Variants in RNF114 observed in about 807,000 individuals in gnomAD.
RNF114 encodes ring finger protein 114, also known as E3 ubiquitin-protein ligase RNF114.
In RNF114, 6 loss-of-function variants were observed where a neutral mutation model predicts 28.4. That is an observed-to-expected ratio of 0.21 (90% CI 0.12 to 0.42). RNF114 has a LOEUF of 0.42. Among genes scored for constraint, RNF114 ranks in the 10% least tolerant of loss-of-function variants. RNF114 has a pLI of 1.00. For synonymous variants in RNF114, 115 were observed against 116.7 expected (o/e 0.99, Z 0.09); for missense variants, 249 against 311.7 (o/e 0.80, Z 1.51).
At chr20:49,943,332 C>T (rs1302914136) in intron 2 of RNF114, among the ~76,000 whole-genome samples, 1 of 151,994 alleles carries the variant, frequency 6.6e-6, no homozygotes, top group East Asian at 1.9e-4. Context: ...CTGTATATAC[C>T]AAAACAAACC....
chr20:49,945,087 G>A (rs1019973304), intron 2 of RNF114: 2 of 253,550 alleles, frequency 7.9e-6, no homozygotes, highest in African/African-American at 4.5e-5. Flanking sequence ...AAACATCCTA[G>A]ATTTGGAGCT....
At position 49,945,669 on chromosome 20, in the gene RNF114, C is replaced by T. The variant is rs146843198; in HGVS notation, c.398+181C>T. 2.8e-4 allele frequency among the ~76,000 whole-genome samples: 42 copies of T among 152,170 alleles called. No individual in the cohort carries two copies. In the East Asian group the frequency reaches 7.5e-3, roughly 27 times the overall value. Reference sequence around the variant, plus strand: ...CTTCAGATGTTAGCTGAGCTATATTCTTTTTTTCTTTTTTGAGACAGAGTC... The same window carrying T: ...CTTCAGATGTTAGCTGAGCTATATTTTTTTTTTCTTTTTTGAGACAGAGTC... On this transcript the variant is annotated intron_variant, in intron 3 of 5. Transcript: ENST00000244061.
rs1392580085 is a variant in RNF114, at chr20:49,941,636, A to G, written c.216A>G (p.Ala72=). 4.0e-5 allele frequency: 65 copies of G among 1,612,896 alleles called. No individual in the cohort carries two copies. The highest frequency in any genetic ancestry group is 5.3e-5 in the Non-Finnish European group (63 of 1,179,628). The change falls in exon 2 of 6, where the codon GCA becomes GCG. Residue 72 remains alanine (A), a synonymous_variant. Transcript: ENST00000244061. The part of the protein sequence containing the change: ...PVCGVCRSAL[A]PGVRAVELER... ...GTGGGGTGTGTCGCAGCGCTCTGGC[A>G]CCTGGCGTCCGAGCCGTGGAGCTCG... is the stretch of plus-strand genomic sequence containing the variant.
intron 2 of RNF114, among the ~76,000 whole-genome samples, chr20:49,942,316 G>A (rs2090310970): frequency 6.6e-6 from 1 of 152,090 alleles, no homozygotes; most frequent in African/African-American, 2.4e-5. Context: ...CATTTGAAAT[G>A]CATCCATGCT....
intron 2 of RNF114, chr20:49,944,497 ACTTT>A (rs2090320930): frequency 6.6e-6 from 1 of 152,018 alleles, no homozygotes; most frequent in South Asian, 2.1e-4. Flanking sequence ...AATTCTTAAA[ACTTT>A]CTTTCTTTTT....
At position 49,952,323 on chromosome 20, in the gene RNF114, C is replaced by G. The variant is rs1483113809; in HGVS notation, c.*182C>G. On this transcript the variant is annotated 3_prime_UTR_variant, in exon 6 of 6. Coordinates refer to ENST00000244061, the MANE Select transcript of RNF114 (RefSeq NM_018683.4). ...GGTCAGCCCTTCTCTTCCCTTTGGG[C>G]TCTTGCCAAAGCTGTCTTCCCCTAC... The G allele has an allele frequency of 1.7e-6, 1 of 604,984 alleles. No homozygotes were observed. Among genetic ancestry groups the G allele is most frequent in the African/African-American group, 1.8e-5 (1 of 54,852 alleles). 37.5% of individuals were successfully genotyped at this position (604,984 alleles called of 1,614,324 possible).
intron 4 of RNF114, among the ~76,000 whole-genome samples, chr20:49,948,037 G>A (rs981410460): frequency 6.6e-5 from 10 of 151,628 alleles, no homozygotes; most frequent in Non-Finnish European, 1.2e-4. Flanking sequence ...TGATCCGCCC[G>A]TCTCGGCCTC....
At chr20:49,946,920 T>TA (rs59258088) in intron 4 of RNF114, among the ~76,000 whole-genome samples, 39,543 of 146,752 alleles carry the variant, frequency 0.27, 5,301 homozygotes, top group Middle Eastern at 0.32. Context: ...TAGTCTCCTT[T>TA]AAAAAAAAAA....
chr20:49,949,438 TC>T, intron 5 of RNF114, 83 bp downstream of exon 5: 1 of 1,171,918 alleles, frequency 8.5e-7, no homozygotes, highest in Non-Finnish European at 1.3e-6. Flanking sequence ...GAAATGGGGA[TC>T]CCCAGTGTTG....
At chr20:49,946,440 T>C (rs372832587) in intron 4 of RNF114, among the ~76,000 whole-genome samples, 190 bp downstream of exon 4, 1 of 152,272 alleles carries the variant, frequency 6.6e-6, no homozygotes, top group East Asian at 1.9e-4. Context: ...GGGAATAAGC[T>C]ACAGATACCA....
intron 3 of RNF114, 59 bp downstream of exon 3, chr20:49,945,547 T>TTGGACACCA (rs2146857277): frequency 2.4e-6 from 2 of 822,854 alleles, no homozygotes; most frequent in Non-Finnish European, 3.7e-6. Context: ...TACAAAGAGG[T>TTGGACACCA]TGCATGCCCA....
At chr20:49,946,316 A>G in intron 4 of RNF114, 66 bp downstream of exon 4, 1 of 833,096 alleles carries the variant, frequency 1.2e-6, no homozygotes. Flanking sequence ...GAGAAAAATG[A>G]CGGGATTAGT....
At chr20:49,947,782 T>G (rs1179635031) in intron 4 of RNF114, among the ~76,000 whole-genome samples, 9 of 35,142 alleles carry the variant, frequency 2.6e-4, no homozygotes, top group African/African-American at 6.8e-4. Context: ...TTTTTTTTTT[T>G]TTTTTTTTTT....
At chr20:49,940,433 C>T (rs990870113) in intron 1 of RNF114, among the ~76,000 whole-genome samples, 12 of 146,748 alleles carry the variant, frequency 8.2e-5, no homozygotes, top group African/African-American at 2.8e-4. Context: ...TTTTTTGAGA[C>T]GGAGTCTCGC....
rs537458660 is a variant in RNF114, at chr20:49,937,376, G to A, written c.140+824G>A. On this transcript the variant is annotated intron_variant, in intron 1 of 5. Transcript: ENST00000244061. Reference sequence around the variant, plus strand: ...TGCCTCAGAATTGGCTTTTCCTCTGGCCCCTCTCAGTGCTTATCGTGGGAT... The same window carrying A: ...TGCCTCAGAATTGGCTTTTCCTCTGACCCCTCTCAGTGCTTATCGTGGGAT... 2.6e-5 allele frequency among the ~76,000 whole-genome samples: 4 copies of A among 152,222 alleles called. No homozygotes were observed. In the East Asian group the frequency reaches 7.7e-4, roughly 29 times the overall value.
intron 4 of RNF114, among the ~76,000 whole-genome samples, chr20:49,947,822 C>G (rs1282543371): frequency 2.0e-5 from 2 of 98,670 alleles, no homozygotes; most frequent in Admixed American, 1.3e-4. Context: ...GGCGGAGTTT[C>G]GCTCTGTCGC....
intron 4 of RNF114, among the ~76,000 whole-genome samples, 171 bp downstream of exon 4, chr20:49,946,421 T>C (rs1292993757): frequency 6.6e-6 from 1 of 152,190 alleles, no homozygotes; most frequent in East Asian, 1.9e-4. Context: ...CATTTTTTGC[T>C]GACCACTTGG....
intron 2 of RNF114, chr20:49,942,030 C>T (rs1038012813): frequency 7.7e-6 from 2 of 260,836 alleles, no homozygotes; most frequent in Admixed American, 5.8e-5. Flanking sequence ...TTTGGGAGTC[C>T]GAGGCAAGAG....
chr20:49,940,776 C>G (rs1412783036), intron 1 of RNF114, among the ~76,000 whole-genome samples: 1 of 151,492 alleles, frequency 6.6e-6, no homozygotes, highest in African/African-American at 2.4e-5. Flanking sequence ...CCACCCCCCC[C>G]TTGAGACAGA....
Sources: allele counts gnomAD v4.1 joint callset (sites outside exome capture counted in the v4.1 genomes callset), GRCh38; gene constraint gnomAD v4.1.1; transcripts MANE v1.5; gene names NCBI Gene and HGNC (gene_info 2026-07-23, HGNC 2026-07-21).